CHODL: variants seen among roughly 807,000 people sequenced by gnomAD.
CHODL encodes the protein transmembrane protein MT75.
Under a neutral mutation model 34.5 loss-of-function variants are expected in CHODL, and 29 were observed. The observed-to-expected ratio is 0.84, with a 90% confidence interval of 0.63 to 1.15. CHODL has a LOEUF of 1.15. Ranked by LOEUF, CHODL falls within the 50% of genes most tolerant of loss-of-function variation. The pLI is 0.00. For missense variants in CHODL, 332 were observed against 332.5 expected (o/e 1.00, Z 0.01); for synonymous variants, 125 against 116.1 (o/e 1.08, Z -0.49).
At chr21:17,926,535 A>G (rs1260436970) in intron 1 of CHODL, among the ~76,000 whole-genome samples, 1 of 152,152 alleles carries the variant, frequency 6.6e-6, no homozygotes, top group Non-Finnish European at 1.5e-5. Flanking sequence ...GCAGAAGGCA[A>G]AGGAGAAGCA....
At chr21:18,115,205 G>A (rs1200173466) in intron 2 of CHODL, among the ~76,000 whole-genome samples, 2 of 152,232 alleles carry the variant, frequency 1.3e-5, no homozygotes, top group African/African-American at 2.4e-5. Context: ...GCCAGTTGCT[G>A]TAAATCAGGA....
upstream of CHODL, among the ~76,000 whole-genome samples, chr21:18,241,401 A>G (rs575054672): frequency 9.9e-5 from 15 of 152,246 alleles, no homozygotes; most frequent in Non-Finnish European, 2.1e-4. Flanking sequence ...AGTATAATAG[A>G]ATAAATAATA....
At chr21:18,036,727 T>C (rs1016915208) in intron 2 of CHODL, among the ~76,000 whole-genome samples, 2 of 152,038 alleles carry the variant, frequency 1.3e-5, no homozygotes, top group African/African-American at 4.8e-5. Context: ...CTTGATGTTA[T>C]AATTGTTTCT....
chr21:18,185,582 T>C (rs1431111703), intron 2 of CHODL, among the ~76,000 whole-genome samples: 1 of 152,198 alleles, frequency 6.6e-6, no homozygotes, highest in East Asian at 1.9e-4. Flanking sequence ...GGTGGTGGCT[T>C]GTGTGAGTCA....
intron 2 of CHODL, among the ~76,000 whole-genome samples, chr21:18,182,814 T>C (rs534273423): frequency 1.3e-5 from 2 of 152,294 alleles, no homozygotes; most frequent in East Asian, 1.9e-4. Context: ...AAAAAATCCC[T>C]GTTTATTCTG....
chr21:17,948,420 T>C (rs991024141), intron 1 of CHODL, among the ~76,000 whole-genome samples: 2 of 151,572 alleles, frequency 1.3e-5, no homozygotes, highest in African/African-American at 4.8e-5. Context: ...CCACAATTAA[T>C]AGAAGGGTGG....
At chr21:17,940,874 T>A (rs967959373) in intron 1 of CHODL, among the ~76,000 whole-genome samples, 4 of 152,198 alleles carry the variant, frequency 2.6e-5, no homozygotes, top group East Asian at 3.8e-4. Flanking sequence ...GTCGTATCTG[T>A]AAACTTCTCT....
At chr21:17,940,160 G>C (rs2063351316) in intron 1 of CHODL, among the ~76,000 whole-genome samples, 1 of 152,130 alleles carries the variant, frequency 6.6e-6, no homozygotes, top group Non-Finnish European at 1.5e-5. Context: ...ACACAGCTGA[G>C]CAAACTCAAT....
At chr21:18,199,036 A>C (rs556167859) in intron 2 of CHODL, among the ~76,000 whole-genome samples, 12 of 152,284 alleles carry the variant, frequency 7.9e-5, no homozygotes, top group African/African-American at 2.9e-4. Flanking sequence ...AATTAAAATA[A>C]GTTGATTAAG....
chr21:18,089,364 C>T (rs1447675688), intron 2 of CHODL, among the ~76,000 whole-genome samples: 1 of 151,968 alleles, frequency 6.6e-6, no homozygotes, highest in Non-Finnish European at 1.5e-5. Flanking sequence ...ATTTATGTGT[C>T]ATTTATAAAC....
Position 18,266,021 on chromosome 21 carries a change from A to T in CHODL, c.805A>T (p.Ser269Cys), listed in dbSNP as rs765461923. The change falls in exon 6 of 6, where the codon AGT becomes TGT. Residue 269 changes from serine (S) to cysteine (C), a missense_variant. Ser to Cys is a moderately radical substitution (Grantham distance 112). Transcript: ENST00000299295. Reference protein sequence around the residue: ...LWISKSTRKESGMEV With the variant: ...LWISKSTRKECGMEV ...GATTTCAAAGAGTACCAGAAAAGAA[A>T]GTGGCATGGAAGTATAATAACTCAT... 6.2e-7 allele frequency: 1 copy of T among 1,613,628 alleles called. No homozygotes were observed. The highest frequency in any genetic ancestry group is 1.1e-5 in the South Asian group (1 of 91,062).
chr21:17,933,412 G>C (rs1225849855), intron 1 of CHODL, among the ~76,000 whole-genome samples: 1 of 152,136 alleles, frequency 6.6e-6, no homozygotes, highest in African/African-American at 2.4e-5. Flanking sequence ...TGAGTCCCTG[G>C]GTACTTGAGA....
At chr21:18,019,098 G>A (rs1216096664) in intron 1 of CHODL, among the ~76,000 whole-genome samples, 2 of 152,178 alleles carry the variant, frequency 1.3e-5, no homozygotes, top group Admixed American at 6.5e-5. Flanking sequence ...GAGTTTTTGT[G>A]AGAATGATAT....
intron 2 of CHODL, among the ~76,000 whole-genome samples, chr21:18,188,571 G>A (rs2824696): frequency 0.12 from 18,290 of 152,228 alleles, 1,781 homozygotes; most frequent in African/African-American, 0.26. Context: ...CCACATTGCT[G>A]TCTGGGATGT....
intron 2 of CHODL, among the ~76,000 whole-genome samples, chr21:18,192,760 T>C (rs182629423): frequency 6.6e-6 from 1 of 152,292 alleles, no homozygotes; most frequent in African/African-American, 2.4e-5. Context: ...TTAAAACCCA[T>C]TTTATATCTT....
intron 1 of CHODL, among the ~76,000 whole-genome samples, chr21:17,951,050 A>G (rs187042828): frequency 6.6e-6 from 1 of 152,156 alleles, no homozygotes; most frequent in African/African-American, 2.4e-5. Context: ...ATACATATAC[A>G]TTAATAAGTG....
chr21:17,993,642 T>C (rs2063819498), intron 1 of CHODL, among the ~76,000 whole-genome samples: 1 of 152,256 alleles, frequency 6.6e-6, no homozygotes, highest in Non-Finnish European at 1.5e-5. Flanking sequence ...GTTCATTCTA[T>C]GTCTTTGCTA....
chr21:17,972,730 T>C (rs1242053412), intron 1 of CHODL, among the ~76,000 whole-genome samples: 1 of 152,194 alleles, frequency 6.6e-6, no homozygotes, highest in African/African-American at 2.4e-5. Context: ...AAGTAATTTA[T>C]AGATTCAATG....
intron 2 of CHODL, among the ~76,000 whole-genome samples, chr21:18,119,092 A>G (rs1002396957): frequency 6.6e-6 from 1 of 152,162 alleles, no homozygotes; most frequent in Non-Finnish European, 1.5e-5. Context: ...TGTAATTTGC[A>G]TATGATAAAC....
Sources: allele counts gnomAD v4.1 joint callset (sites outside exome capture counted in the v4.1 genomes callset), GRCh38; gene constraint gnomAD v4.1.1; transcripts MANE v1.5; gene names NCBI Gene and HGNC (gene_info 2026-07-23, HGNC 2026-07-21).